ZFPM2: variants seen among roughly 807,000 people sequenced by gnomAD.
ZFPM2 encodes the protein zinc finger protein ZFPM2.
In ZFPM2, 20 loss-of-function variants were observed where a neutral mutation model predicts 98.6. That is an observed-to-expected ratio of 0.20 (90% confidence interval 0.14 to 0.29). ZFPM2 has a LOEUF of 0.29. Among genes scored for constraint, ZFPM2 ranks in the 10% least tolerant of loss-of-function variants. The pLI, the probability that ZFPM2 is intolerant of heterozygous loss-of-function variation, is 1.00. For missense variants in ZFPM2, 1,310 were observed against 1,388.6 expected, an observed-to-expected ratio of 0.94 and a Z score of 0.90; for synonymous variants, 518 against 502.7, an observed-to-expected ratio of 1.03 and a Z score of -0.41.
At chr8:105,386,155 C>T (rs1810984633) in intron 1 of ZFPM2, among the ~76,000 whole-genome samples, 1 of 152,110 alleles carries the variant, frequency 6.6e-6, no homozygotes, top group Admixed American at 6.5e-5. Flanking sequence ...GTCTTTTGAA[C>T]TGTAGTAAAA....
chr8:105,546,980 G>GT (rs1814720999), intron 3 of ZFPM2, among the ~76,000 whole-genome samples: 6 of 151,550 alleles, frequency 4.0e-5, no homozygotes, highest in African/African-American at 1.5e-4. Context: ...CCCTTTTTTT[G>GT]GGGAGGAGGT....
rs564102932 is a variant in ZFPM2, at chr8:105,730,782, T to C, written c.533-57936T>C. 4.5e-3 allele frequency among the ~76,000 whole-genome samples: 263 copies of C among 58,278 alleles called. 5 individuals are homozygous for C. The East Asian group carries it at 0.08, about 18-fold the overall frequency. 38.2% of individuals were successfully genotyped at this position (58,278 alleles called of 152,430 possible). On this transcript the variant is annotated intron_variant, in intron 5 of 7. Transcript: ENST00000407775. ...CCTGAACTTTTTCTTTTTTCTTTTTTTTTTTTTTTTTTTTTACTGGCTACA... is the reference window on the plus strand; with the variant it reads ...CCTGAACTTTTTCTTTTTTCTTTTTCTTTTTTTTTTTTTTTACTGGCTACA...
chr8:105,388,644 T>A lies in ZFPM2; in HGVS notation c.41-30500T>A, dbSNP rs553488671. On this transcript the variant is annotated intron_variant, in intron 1 of 7. Coordinates refer to ENST00000407775, the MANE Select transcript of ZFPM2 (RefSeq NM_012082.4). The stretch of plus-strand genomic sequence containing the variant: ...GACAAACATAATGGGATTTACCTTT[T>A]AGAAAGGCAGCATTGGAGAATATGT... Among the ~76,000 whole-genome samples, 8 of 152,298 alleles carry A rather than the reference T, an allele frequency of 5.3e-5. No individual in the cohort carries two copies. In the South Asian group the frequency reaches 1.7e-3, roughly 32 times the overall value.
Position 105,801,937 on chromosome 8 carries a change from C to T in ZFPM2, c.1855C>T (p.Pro619Ser), listed in dbSNP as rs567416476. 3.1e-6 allele frequency: 5 copies of T among 1,613,916 alleles called. No homozygotes were observed. The African/African-American group carries it at 6.7e-5, about 22-fold the overall frequency. Residue 619 changes from proline to serine, a missense_variant, in exon 8 of 8, where the codon CCA becomes TCA. By Grantham distance (74) the Pro-to-Ser change is moderately conservative. Transcript: ENST00000407775. Reference sequence around the variant, plus strand: ...TGCTCATTCTGCTGATCCTGAGAATCCACTTCTTCAAACATCTTGCATCAA... The same window carrying T: ...TGCTCATTCTGCTGATCCTGAGAATTCACTTCTTCAAACATCTTGCATCAA... Reference protein sequence around the residue: ...PAAHSADPENPLLQTSCINSS... With the variant: ...PAAHSADPENSLLQTSCINSS...
chr8:105,585,406 C>T (rs1390888330), intron 4 of ZFPM2, among the ~76,000 whole-genome samples: 1 of 152,190 alleles, frequency 6.6e-6, no homozygotes, highest in Non-Finnish European at 1.5e-5. Context: ...TCACTTCAAC[C>T]TTGACTTATT....
At chr8:105,751,522 A>G (rs1487539009) in intron 5 of ZFPM2, among the ~76,000 whole-genome samples, 2 of 152,080 alleles carry the variant, frequency 1.3e-5, no homozygotes, top group Non-Finnish European at 2.9e-5. Context: ...CAGCCTGTGG[A>G]ACACATACTG....
chr8:105,430,121 A>C (rs1390199285), intron 2 of ZFPM2, among the ~76,000 whole-genome samples: 1 of 152,190 alleles, frequency 6.6e-6, no homozygotes, highest in African/African-American at 2.4e-5. Flanking sequence ...TGAGAAAGAT[A>C]GTTCTGACCT....
chr8:105,697,190 C>A (rs1811036838), intron 5 of ZFPM2, among the ~76,000 whole-genome samples: 1 of 152,144 alleles, frequency 6.6e-6, no homozygotes, highest in Admixed American at 6.5e-5. Context: ...GTCTTACCTA[C>A]CTCCCAAATT....
chr8:105,360,676 A>G (rs1318657185), intron 1 of ZFPM2, among the ~76,000 whole-genome samples: 2 of 135,242 alleles, frequency 1.5e-5, no homozygotes, highest in Admixed American at 8.4e-5. Flanking sequence ...TCCTGTGTCC[A>G]TGTGTTCCCA....
chr8:105,744,679 A>C (rs1309480203), intron 5 of ZFPM2, among the ~76,000 whole-genome samples: 2 of 151,960 alleles, frequency 1.3e-5, no homozygotes, highest in African/African-American at 4.8e-5. Context: ...TGATGCCTAC[A>C]TCAGCTCTAT....
At chr8:105,377,605 TCC>T (rs1292931029) in intron 1 of ZFPM2, among the ~76,000 whole-genome samples, 3,374 of 9,816 alleles carry the variant, frequency 0.34, 886 homozygotes, top group Admixed American at 0.54. Context: ...TTCTTAAAAA[TCC>T]AAAAAAAAAA....
At chr8:105,763,396 C>T (rs936745571) in intron 5 of ZFPM2, among the ~76,000 whole-genome samples, 14 of 151,728 alleles carry the variant, frequency 9.2e-5, no homozygotes, top group Admixed American at 2.0e-4. Context: ...GAGTAGCAAA[C>T]GAAATGTGTT....
At chr8:105,695,116 A>T (rs532768765) in intron 5 of ZFPM2, among the ~76,000 whole-genome samples, 1 of 152,292 alleles carries the variant, frequency 6.6e-6, no homozygotes, top group East Asian at 1.9e-4. Flanking sequence ...CCATATTGCC[A>T]TACTTTATAA....
intron 5 of ZFPM2, among the ~76,000 whole-genome samples, chr8:105,647,685 C>T (rs529829539): frequency 6.6e-6 from 1 of 152,082 alleles, no homozygotes; most frequent in Non-Finnish European, 1.5e-5. Flanking sequence ...ACTTCATCCA[C>T]GTCCCCACAA....
chr8:105,465,505 G>A (rs142693014), intron 3 of ZFPM2, among the ~76,000 whole-genome samples: 3 of 151,580 alleles, frequency 2.0e-5, no homozygotes, highest in Non-Finnish European at 2.9e-5. Context: ...CACAAAAAAC[G>A]CAAAGCCAAC....
chr8:105,581,824 C>G (rs1347105787), intron 4 of ZFPM2, among the ~76,000 whole-genome samples: 1 of 152,162 alleles, frequency 6.6e-6, no homozygotes, highest in African/African-American at 2.4e-5. Flanking sequence ...CCCATCAGCC[C>G]TGCTCTTTCT....
chr8:105,381,198 T>C (rs1810882105), intron 1 of ZFPM2, among the ~76,000 whole-genome samples: 1 of 151,080 alleles, frequency 6.6e-6, no homozygotes, highest in Non-Finnish European at 1.5e-5. Context: ...GTTCCTGTGT[T>C]AGTTTGCTGA....
At chr8:105,615,758 A>G (rs1328713235) in intron 4 of ZFPM2, among the ~76,000 whole-genome samples, 2 of 152,178 alleles carry the variant, frequency 1.3e-5, no homozygotes, top group Non-Finnish European at 2.9e-5. Context: ...TCCTCTAAAA[A>G]TGAGGAAACT....
intron 3 of ZFPM2, among the ~76,000 whole-genome samples, chr8:105,548,029 G>C (rs1372610624): frequency 6.6e-6 from 1 of 151,836 alleles, no homozygotes; most frequent in African/African-American, 2.4e-5. Flanking sequence ...GCATCACATA[G>C]GTAATTTATA....
Sources: gnomAD v4.1 joint callset for allele counts (sites outside exome capture counted in the v4.1 genomes callset) on GRCh38, gnomAD v4.1.1 for gene constraint, MANE v1.5 for transcripts, NCBI Gene and HGNC (gene_info 2026-07-23, HGNC 2026-07-21) for gene names.